Variants in NRXN3 observed in about 807,000 individuals in gnomAD.
NRXN3 encodes neurexin III.
Under a neutral mutation model 137.6 loss-of-function variants are expected in NRXN3, and 32 were observed. The observed-to-expected ratio is 0.23, with a 90% CI of 0.18 to 0.31. The LOEUF (loss-of-function observed/expected upper bound fraction) is 0.31, where lower values mean the gene tolerates loss of function less well. Among genes scored for constraint, NRXN3 ranks in the 10% least tolerant of loss-of-function variants. NRXN3 has a pLI of 1.00. For synonymous variants in NRXN3, 798 were observed against 784.5 expected, an observed-to-expected ratio of 1.02 and a Z score of -0.29; for missense variants, 1,574 against 2,062.5, an observed-to-expected ratio of 0.76 and a Z score of 4.59.
chr14:79,651,085 T>C (rs1024688981), intron 16 of NRXN3, among the ~76,000 whole-genome samples: 2 of 152,188 alleles, frequency 1.3e-5, no homozygotes, highest in Non-Finnish European at 2.9e-5. Flanking sequence ...ATAGGATGGA[T>C]CAGTGTCCAC....
intron 4 of NRXN3, among the ~76,000 whole-genome samples, chr14:78,566,643 C>G (rs1488239222): frequency 6.6e-6 from 1 of 152,176 alleles, no homozygotes; most frequent in Non-Finnish European, 1.5e-5. Context: ...GCCCCGAGCC[C>G]CCACCTTCCT....
chr14:78,638,230 G>T (rs1455864458), intron 4 of NRXN3, among the ~76,000 whole-genome samples: 3 of 152,190 alleles, frequency 2.0e-5, no homozygotes, highest in Admixed American at 2.0e-4. Flanking sequence ...CTGAGGATAA[G>T]GGTTGGAAAT....
intron 1 of NRXN3, among the ~76,000 whole-genome samples, chr14:78,223,439 A>G (rs900948832): frequency 6.6e-6 from 1 of 152,148 alleles, no homozygotes; most frequent in Non-Finnish European, 1.5e-5. Flanking sequence ...TTTCTTTTGA[A>G]GGTCATTCCC....
At chr14:78,425,651 G>A (rs1434783618) in intron 4 of NRXN3, among the ~76,000 whole-genome samples, 1 of 152,138 alleles carries the variant, frequency 6.6e-6, no homozygotes, top group Non-Finnish European at 1.5e-5. Flanking sequence ...CTTTCTAAAG[G>A]CTTTATAAGG....
chr14:78,196,081 T>A (rs533470945), intron 1 of NRXN3, among the ~76,000 whole-genome samples: 1 of 152,326 alleles, frequency 6.6e-6, no homozygotes, highest in East Asian at 1.9e-4. Context: ...CAAGGAATAT[T>A]TCCTCTCCTT....
intron 15 of NRXN3, among the ~76,000 whole-genome samples, chr14:79,301,432 A>G (rs1458050312): frequency 1.3e-5 from 2 of 152,050 alleles, no homozygotes; most frequent in African/African-American, 2.4e-5. Flanking sequence ...ACCAGTGGTC[A>G]TAAAACTAAT....
chr14:79,319,432 A>G (rs2089569470), intron 15 of NRXN3, among the ~76,000 whole-genome samples: 1 of 152,246 alleles, frequency 6.6e-6, no homozygotes, highest in African/African-American at 2.4e-5. Flanking sequence ...AGCTGATTCA[A>G]TGAAGAAAAG....
intron 15 of NRXN3, among the ~76,000 whole-genome samples, chr14:79,373,504 A>G (rs1397987222): frequency 6.6e-6 from 1 of 152,192 alleles, no homozygotes; most frequent in Non-Finnish European, 1.5e-5. Flanking sequence ...TTTTTGCATT[A>G]CTTCTTCATT....
At chr14:79,605,650 G>A (rs1358236660) in intron 16 of NRXN3, among the ~76,000 whole-genome samples, 1 of 152,064 alleles carries the variant, frequency 6.6e-6, no homozygotes, top group Non-Finnish European at 1.5e-5. Context: ...ACCACGCCCA[G>A]CTAATTTTTT....
rs1187735497 is a variant in NRXN3, at chr14:78,635,076, A to T, written c.758-10044A>T. 2.0e-5 allele frequency among the ~76,000 whole-genome samples: 3 copies of T among 152,200 alleles called. No homozygotes were observed. The East Asian group carries it at 5.8e-4, about 29-fold the overall frequency. On this transcript the variant is annotated intron_variant, in intron 4 of 20. Transcript: ENST00000335750. Reference sequence around the variant, plus strand: ...CTAAAATATCTGTAGGAAGTTTCACATAATATCTGATTGTCTTGTTTTCTC... The same window carrying T: ...CTAAAATATCTGTAGGAAGTTTCACTTAATATCTGATTGTCTTGTTTTCTC...
chr14:79,302,216 A>C (rs1232106101), intron 15 of NRXN3, among the ~76,000 whole-genome samples: 1 of 152,032 alleles, frequency 6.6e-6, no homozygotes. Context: ...TAATCCATAC[A>C]AGAATTATTA....
intron 17 of NRXN3, among the ~76,000 whole-genome samples, chr14:79,682,890 A>T (rs575297884): frequency 1.3e-5 from 2 of 152,182 alleles, no homozygotes; most frequent in African/African-American, 2.4e-5. Flanking sequence ...AAATTCCTTC[A>T]CTCCCTAAAT....
chr14:79,385,223 C>A (rs2094578514), intron 15 of NRXN3, among the ~76,000 whole-genome samples: 1 of 127,666 alleles, frequency 7.8e-6, no homozygotes, highest in African/African-American at 2.8e-5. Flanking sequence ...CCCCACCCCA[C>A]CACAGTCCCC....
intron 15 of NRXN3, chr14:79,074,398 A>G (rs1425924758): frequency 1.3e-5 from 2 of 152,238 alleles, no homozygotes; most frequent in Non-Finnish European, 2.9e-5. Flanking sequence ...TAGGGGAAAT[A>G]TGCTAGTAAA....
intron 15 of NRXN3, among the ~76,000 whole-genome samples, chr14:79,319,102 C>A (rs2089483403): frequency 6.6e-6 from 1 of 152,160 alleles, no homozygotes; most frequent in African/African-American, 2.4e-5. Context: ...TGTTTTCCAT[C>A]TATGTTACAG....
At chr14:78,238,537 G>A (rs936098730) in intron 1 of NRXN3, among the ~76,000 whole-genome samples, 1 of 152,228 alleles carries the variant, frequency 6.6e-6, no homozygotes, top group Non-Finnish European at 1.5e-5. Context: ...TTGGAGGCCT[G>A]CGATATTTAG....
intron 10 of NRXN3, among the ~76,000 whole-genome samples, chr14:78,852,202 G>T (rs1203802310): frequency 6.6e-6 from 1 of 152,118 alleles, no homozygotes; most frequent in Non-Finnish European, 1.5e-5. Context: ...CCTGCATCCA[G>T]ATTTACAGCT....
chr14:78,174,948 T>C (rs560920960), intron 1 of NRXN3, among the ~76,000 whole-genome samples: 34 of 152,268 alleles, frequency 2.2e-4, no homozygotes, highest in Non-Finnish European at 4.0e-4. Flanking sequence ...AGCCTGGGGC[T>C]GAGCTCGGGA....
intron 16 of NRXN3, among the ~76,000 whole-genome samples, chr14:79,634,677 T>C (rs187775766): frequency 2.4e-4 from 36 of 152,300 alleles, no homozygotes; most frequent in Middle Eastern, 3.4e-3. Context: ...CCTCTGGGTT[T>C]CTCCTCATCC....
Sources: gnomAD v4.1 joint callset for allele counts (sites outside exome capture counted in the v4.1 genomes callset) on GRCh38, gnomAD v4.1.1 for gene constraint, MANE v1.5 for transcripts, NCBI Gene and HGNC (gene_info 2026-07-23, HGNC 2026-07-21) for gene names.